METTL15: variants seen among roughly 807,000 people sequenced by gnomAD.
METTL15 encodes methyltransferase 15, mitochondrial 12S rRNA N4-cytidine.
A neutral mutation model predicts 38.3 loss-of-function variants in METTL15; 34 were observed. The ratio of observed to expected loss-of-function variants is 0.89; its 90% CI spans 0.68 to 1.18. METTL15 has a LOEUF of 1.18. Among genes scored for constraint, METTL15 ranks in the 50% most tolerant of loss-of-function variants. METTL15 has a pLI of 0.00. For missense variants in METTL15, 438 were observed against 498.4 expected (o/e 0.88, Z 1.15); for synonymous variants, 162 against 170.9 (o/e 0.95, Z 0.41).
At chr11:28,250,098 C>T (rs1854675422) in intron 4 of METTL15, among the ~76,000 whole-genome samples, 1 of 152,002 alleles carries the variant, frequency 6.6e-6, no homozygotes. Context: ...TCTATATGTA[C>T]TGCATTGTCT....
intron 4 of METTL15, among the ~76,000 whole-genome samples, chr11:28,271,052 A>G (rs1042978581): frequency 6.6e-6 from 1 of 152,162 alleles, no homozygotes; most frequent in African/African-American, 2.4e-5. Flanking sequence ...TAGCTATTAT[A>G]TCAAAAATCA....
At chr11:28,387,806 A>C (rs1393141894) in intron 5 of METTL15, among the ~76,000 whole-genome samples, 1 of 152,128 alleles carries the variant, frequency 6.6e-6, no homozygotes, top group African/African-American at 2.4e-5. Context: ...ACAAAATACT[A>C]GCAAATACTT....
At chr11:28,430,394 G>A (rs1456747889) in intron 6 of METTL15, among the ~76,000 whole-genome samples, 2 of 66,654 alleles carry the variant, frequency 3.0e-5, no homozygotes, top group Non-Finnish European at 6.6e-5. Context: ...CCCCCCGCCC[G>A]GCCAGCCGCC....
chr11:28,462,064 C>T (rs1851220493), intron 6 of METTL15, among the ~76,000 whole-genome samples: 1 of 152,074 alleles, frequency 6.6e-6, no homozygotes, highest in Non-Finnish European at 1.5e-5. Flanking sequence ...CAATGTGACT[C>T]ACTATCCATG....
At chr11:28,122,179 A>G (rs1346586624) in intron 3 of METTL15, 4 of 1,243,150 alleles carry the variant, frequency 3.2e-6, no homozygotes, top group African/African-American at 1.6e-5. Flanking sequence ...TGAATCCTAC[A>G]GGTAAATTTA....
chr11:28,385,259 G>C (rs183131766), intron 5 of METTL15, among the ~76,000 whole-genome samples: 4 of 152,098 alleles, frequency 2.6e-5, no homozygotes, highest in Admixed American at 2.0e-4. Context: ...TTGTCTTCCA[G>C]GGTTGTATTC....
chr11:28,307,658 C>T (rs1171129310), intron 6 of METTL15, among the ~76,000 whole-genome samples: 2 of 151,928 alleles, frequency 1.3e-5, no homozygotes, highest in Admixed American at 6.6e-5. Context: ...TCAGTTTTCT[C>T]ATTAGCAAAG....
chr11:28,398,141 T>C (rs952882796), intron 5 of METTL15, among the ~76,000 whole-genome samples: 2 of 151,750 alleles, frequency 1.3e-5, no homozygotes, highest in Admixed American at 6.6e-5. Context: ...TAATTGTGCA[T>C]CACACCAACA....
intron 6 of METTL15, among the ~76,000 whole-genome samples, chr11:28,481,357 C>A (rs1032005952): frequency 2.6e-5 from 4 of 152,134 alleles, no homozygotes; most frequent in Non-Finnish European, 5.9e-5. Context: ...GAATACAGCC[C>A]ATAGGAAACA....
chr11:28,335,532 T>G (rs1849893529), downstream of METTL15, among the ~76,000 whole-genome samples: 1 of 152,168 alleles, frequency 6.6e-6, no homozygotes, highest in Admixed American at 6.5e-5. Context: ...TGGAGATGCT[T>G]TATTTGACCC....
chr11:28,386,683 G>A (rs2133389209), intron 5 of METTL15, among the ~76,000 whole-genome samples: 1 of 151,954 alleles, frequency 6.6e-6, no homozygotes, highest in East Asian at 1.9e-4. Context: ...AGGAAATAGA[G>A]GATGTGGACA....
intron 6 of METTL15, chr11:28,328,016 C>A: frequency 7.1e-7 from 1 of 1,402,162 alleles, no homozygotes; most frequent in East Asian, 2.5e-5. Flanking sequence ...AAATATCCTG[C>A]AGTTCTTATT....
At chr11:28,506,325 A>G (rs1253839859) in intron 6 of METTL15, among the ~76,000 whole-genome samples, 1 of 152,232 alleles carries the variant, frequency 6.6e-6, no homozygotes, top group Non-Finnish European at 1.5e-5. Flanking sequence ...CTTTGAAATT[A>G]GACAAACCTG....
At chr11:28,114,611 C>T (rs1034291307) in intron 3 of METTL15, among the ~76,000 whole-genome samples, 4 of 151,880 alleles carry the variant, frequency 2.6e-5, no homozygotes, top group Admixed American at 6.6e-5. Context: ...CTACCGTGGC[C>T]GGCTAATTTT....
intron 6 of METTL15, among the ~76,000 whole-genome samples, chr11:28,465,236 C>A (rs2133458709): frequency 6.6e-6 from 1 of 152,254 alleles, no homozygotes; most frequent in African/African-American, 2.4e-5. Flanking sequence ...TTCCTTGGTA[C>A]CACACTCTCT....
At chr11:28,216,717 C>A (rs563073089) in intron 4 of METTL15, among the ~76,000 whole-genome samples, 4 of 115,632 alleles carry the variant, frequency 3.5e-5, no homozygotes, top group Non-Finnish European at 5.1e-5. Context: ...CCCCCTCCCC[C>A]CACCCCACAA....
downstream of METTL15, among the ~76,000 whole-genome samples, chr11:28,531,778 T>C (rs1851844451): frequency 1.3e-5 from 2 of 152,048 alleles, no homozygotes; most frequent in Non-Finnish European, 2.9e-5. Context: ...TTGCATAATA[T>C]TAGTTTCCAG....
chr11:28,291,080 C>T (rs1369598651), intron 5 of METTL15, among the ~76,000 whole-genome samples: 10 of 138,644 alleles, frequency 7.2e-5, no homozygotes, highest in Middle Eastern at 4.0e-3. Context: ...GACAGAGTCT[C>T]GTTCTGTCAC....
intron 3 of METTL15, chr11:28,163,229 T>C (rs1462261083): frequency 1.3e-5 from 5 of 394,920 alleles, no homozygotes; most frequent in Non-Finnish European, 8.9e-6. Context: ...TGGAGAAATA[T>C]TCATGTGGGT....
Sources: gnomAD v4.1 joint callset for allele counts (sites outside exome capture counted in the v4.1 genomes callset) on GRCh38, gnomAD v4.1.1 for gene constraint, MANE v1.5 for transcripts, NCBI Gene and HGNC (gene_info 2026-07-23, HGNC 2026-07-21) for gene names.